The following TRIM2 variants were observed in gnomAD, a reference collection of about 807,000 sequenced individuals.
The protein encoded by TRIM2 is tripartite motif-containing protein 2.
Under a neutral mutation model 75.2 loss-of-function variants are expected in TRIM2, and 20 were observed. The observed-to-expected ratio is 0.27, with a 90% CI of 0.19 to 0.39. The LOEUF (loss-of-function observed/expected upper bound fraction) is 0.39, where lower values mean the gene tolerates loss of function less well. Ranked by LOEUF, TRIM2 falls within the 10% of genes least tolerant of loss-of-function variation. The probability of loss-of-function intolerance (pLI) is 1.00; values close to 1 mark genes in which losing one functional copy is unlikely to be tolerated. For synonymous variants in TRIM2, 373 were observed against 388.3 expected (o/e 0.96, Z 0.46); for missense variants, 660 against 990.8 (o/e 0.67, Z 4.48).
rs1232154205 is a variant in TRIM2, at chr4:153,295,445, A to C, written c.919A>C (p.Lys307Gln). 6.2e-7 allele frequency: 1 copy of C among 1,614,182 alleles called. No homozygotes were observed. The highest frequency in any genetic ancestry group is 2.2e-5 in the East Asian group (1 of 44,880). The stretch of plus-strand genomic sequence containing the variant: ...ACTGGTGAAGAAGCAGATGAGCGAG[A>C]AGCTGAACGAGCTGGCCGACCAGGA... ...VLLVKKQMSE[K>Q]LNELADQDFP... The change falls in exon 6 of 12, where the codon AAG becomes CAG. Residue 307 changes from lysine to glutamine, a missense_variant. Lys to Gln is a moderately conservative substitution (Grantham distance 53). Around this residue, in one of 2 missense-constraint regions of TRIM2, gnomAD observed 620 missense variants for 891.0 expected, o/e 0.70. Coordinates refer to ENST00000338700, the MANE Select transcript of TRIM2 (RefSeq NM_015271.5). The surrounding 1 kb of genome is among the most constrained non-coding windows in gnomAD (Gnocchi z 7.2).
At chr4:153,332,665 C>T (rs527831801) in intron 11 of TRIM2, among the ~76,000 whole-genome samples, 14 of 149,604 alleles carry the variant, frequency 9.4e-5, no homozygotes, top group African/African-American at 2.2e-4. Flanking sequence ...AAAAGAAAAA[C>T]GAGCAAAAGG....
chr4:153,332,527 C>G (rs10026771), intron 11 of TRIM2, among the ~76,000 whole-genome samples: 1 of 152,012 alleles, frequency 6.6e-6, no homozygotes, highest in African/African-American at 2.4e-5. Context: ...TGCCTGTAAT[C>G]CCAGCTACTT....
intron 1 of TRIM2, among the ~76,000 whole-genome samples, chr4:153,170,576 A>G (rs991897857): frequency 3.3e-5 from 5 of 152,176 alleles, no homozygotes; most frequent in African/African-American, 4.8e-5. Flanking sequence ...GTACCACACA[A>G]CTGCTTTTTG....
In TRIM2 at chr4:153,295,432, G is replaced by T. The variant is rs1343853687; in HGVS notation, c.906G>T (p.Lys302Asn). ...AGACCGAGGTCCTACTGGTGAAGAAGCAGATGAGCGAGAAGCTGAACGAGC... is the reference window on the plus strand; with the variant it reads ...AGACCGAGGTCCTACTGGTGAAGAATCAGATGAGCGAGAAGCTGAACGAGC... ...GTETEVLLVK[K>N]QMSEKLNELA... Residue 302 changes from lysine (K) to asparagine (N), a missense_variant, in exon 6 of 12, where the codon AAG becomes AAT. Transcript: ENST00000338700. The surrounding 1 kb of genome is among the most constrained non-coding windows in gnomAD (Gnocchi z 7.2). The T allele has an allele frequency of 6.2e-7, 1 of 1,614,196 alleles. No homozygotes were observed. The highest frequency in any genetic ancestry group is 1.3e-5 in the African/African-American group (1 of 75,058).
chr4:153,210,058 A>ATTT (rs761134144), intron 1 of TRIM2, among the ~76,000 whole-genome samples: 148 of 106,972 alleles, frequency 1.4e-3, no homozygotes, highest in Middle Eastern at 6.5e-3. Context: ...GGGTGATTTA[A>ATTT]TTTTTTTTTT....
At chr4:153,207,542 A>G (rs1351761080) in intron 1 of TRIM2, among the ~76,000 whole-genome samples, 5 of 152,250 alleles carry the variant, frequency 3.3e-5, no homozygotes. Flanking sequence ...AGTTCCTTAT[A>G]CAGCACTCAG....
At chr4:153,303,801 T>C (rs1764431568) in intron 6 of TRIM2, among the ~76,000 whole-genome samples, 1 of 152,278 alleles carries the variant, frequency 6.6e-6, no homozygotes, top group Non-Finnish European at 1.5e-5. Context: ...ATGACATTCG[T>C]CATTTTCTGG....
chr4:153,323,099 A>C (rs533951824), intron 9 of TRIM2, among the ~76,000 whole-genome samples: 2 of 152,320 alleles, frequency 1.3e-5, no homozygotes, highest in African/African-American at 2.4e-5. Flanking sequence ...ATAAGGTATA[A>C]ATTTTAAAAT....
At chr4:153,152,504 A>AACCACTG (rs1728825846), upstream of TRIM2, 1 of 151,740 alleles carries the variant, frequency 6.6e-6, no homozygotes, top group South Asian at 2.1e-4. Context: ...TGCAAAACAG[A>AACCACTG]ACCACTGATT....
In TRIM2 at chr4:153,295,845, G is replaced by T; in HGVS notation, c.1319G>T (p.Arg440Leu). 1 of 1,614,048 alleles carries T rather than the reference G, an allele frequency of 6.2e-7. No homozygotes were observed. The highest frequency in any genetic ancestry group is 8.5e-7 in the Non-Finnish European group (1 of 1,180,006). ...LSLRLYDQHI[R>L]GSPFKLKVIR... ...CTGAGACTCTATGACCAGCACATCC[G>T]AGGCAGCCCGTTTAAGCTGAAAGTG... The change falls in exon 6 of 12, where the codon CGA becomes CTA. Residue 440 changes from arginine (R) to leucine (L), a missense_variant. By Grantham distance (102) the Arg-to-Leu change is moderately radical. Transcript: ENST00000338700. The surrounding 1 kb of genome is among the most constrained non-coding windows in gnomAD (Gnocchi z 7.2).
rs138455559 is a variant in TRIM2 at position 153,259,126 on chromosome 4, G to A, written c.31-11209G>A. 2.5e-3 allele frequency among the ~76,000 whole-genome samples: 379 copies of A among 152,270 alleles called. 1 individual carries two copies. The highest frequency in any genetic ancestry group is 8.0e-3 in the African/African-American group (334 of 41,546). On this transcript the variant is annotated intron_variant, in intron 1 of 11. Transcript: ENST00000338700. ...ATGTAAAAATTTTCTCTGATAGAAC[G>A]TGCTGTTTCAAGATATATGAATGCA...
rs567904831 is a variant in TRIM2 at position 153,314,794 on chromosome 4, T to G, written c.1511-691T>G. Among the ~76,000 whole-genome samples the G allele has an allele frequency of 3.9e-5, 6 of 151,946 alleles. No homozygotes were observed. The South Asian group carries it at 1.0e-3, about 26-fold the overall frequency. ...ATAATATGAAAATCGCCTACTATTT[T>G]TATAACTATCTGTGGCCTTCGGTTT... On this transcript the variant is annotated intron_variant, in intron 6 of 11. Transcript: ENST00000338700.
chr4:153,289,624 A>G (rs1049649251), intron 3 of TRIM2, among the ~76,000 whole-genome samples: 1 of 152,006 alleles, frequency 6.6e-6, no homozygotes, highest in Non-Finnish European at 1.5e-5. Flanking sequence ...CTCGTTTCTT[A>G]TACTGCTGGG....
At chr4:153,266,297 G>A (rs1206988601) in intron 1 of TRIM2, among the ~76,000 whole-genome samples, 1 of 151,396 alleles carries the variant, frequency 6.6e-6, no homozygotes, top group Non-Finnish European at 1.5e-5. Context: ...AGCCTCCTGA[G>A]CAGCTGGGAC....
At chr4:153,165,419 C>T (rs1345100072) in intron 1 of TRIM2, among the ~76,000 whole-genome samples, 5 of 152,254 alleles carry the variant, frequency 3.3e-5, no homozygotes, top group East Asian at 1.9e-4. Flanking sequence ...CAGCCTCAAC[C>T]TCCTGGGCTC....
chr4:153,295,226 AG>A lies in TRIM2; in HGVS notation c.787-86del. 6 of 1,449,322 alleles carry A rather than the reference AG, an allele frequency of 4.1e-6. No homozygotes were observed. The highest frequency in any genetic ancestry group is 2.8e-5 in the Admixed American group (1 of 35,524). 89.8% of individuals were successfully genotyped at this position (1,449,322 alleles called of 1,614,324 possible). ...GAGCCACCTGCGTGGGCAGGTGTAG[AG>A]TCTCCTTCTCGCCGGTGGAGGGCAC... On this transcript the variant is annotated intron_variant, in intron 5 of 11. Coordinates refer to ENST00000338700, the MANE Select transcript of TRIM2 (RefSeq NM_015271.5). The surrounding 1 kb of genome is among the most constrained non-coding windows in gnomAD (Gnocchi z 7.2).
chr4:153,218,452 C>A (rs1739083350), intron 1 of TRIM2, among the ~76,000 whole-genome samples: 1 of 152,186 alleles, frequency 6.6e-6, no homozygotes. Flanking sequence ...TCAAGTGATC[C>A]TCCCACCTTG....
intron 2 of TRIM2, among the ~76,000 whole-genome samples, chr4:153,271,983 G>A (rs191489739): frequency 4.3e-4 from 66 of 152,202 alleles, no homozygotes; most frequent in Admixed American, 4.3e-3. Context: ...CCCTAGGTCT[G>A]CCCCTGCTAT....
At chr4:153,242,846 A>G (rs1018350099) in intron 1 of TRIM2, among the ~76,000 whole-genome samples, 8 of 152,154 alleles carry the variant, frequency 5.3e-5, no homozygotes, top group African/African-American at 1.9e-4. Context: ...GGGGGCTGGG[A>G]TCAAATCACC....
Sources: gnomAD v4.1 joint callset for allele counts (sites outside exome capture counted in the v4.1 genomes callset) on GRCh38, gnomAD v4.1.1 for gene constraint, gnomAD v4.1.1 regional missense constraint, Gnocchi (gnomAD v3.1) non-coding constraint, MANE v1.5 for transcripts, NCBI Gene and HGNC (gene_info 2026-07-23, HGNC 2026-07-21) for gene names.